STK32C: variants seen among roughly 807,000 people sequenced by gnomAD.
STK32C encodes serine/threonine kinase 32C.
In STK32C, 31 loss-of-function variants were observed where a neutral mutation model predicts 56.5. The ratio of observed to expected loss-of-function variants is 0.55; its 90% CI spans 0.41 to 0.74. The LOEUF (loss-of-function observed/expected upper bound fraction) is 0.74, where lower values mean the gene tolerates loss of function less well. Ranked by LOEUF, STK32C falls within the 30% of genes least tolerant of loss-of-function variation. The probability of loss-of-function intolerance (pLI) is 0.00; values close to 1 mark genes in which losing one functional copy is unlikely to be tolerated. For missense variants in STK32C, 544 were observed against 676.9 expected (o/e 0.80, Z 2.18); for synonymous variants, 309 against 289.4 (o/e 1.07, Z -0.69).
rs1055569202 is a variant in STK32C, at chr10:132,291,013, C to T, written c.262+16559G>A. ...CCTTGGCTCTCCCCTGCCTCCCTTC[C>T]GGCTCTCTCCTGCATTCGATAACAG... On this transcript the variant is annotated intron_variant, in intron 1 of 11. Transcript: ENST00000298630. 3.4e-4 allele frequency among the ~76,000 whole-genome samples: 52 copies of T among 152,328 alleles called. 1 individual carries two copies. Among genetic ancestry groups the T allele is most frequent in the South Asian group, 2.3e-3 (11 of 4,824 alleles).
intron 1 of STK32C, among the ~76,000 whole-genome samples, chr10:132,266,589 T>C (rs1026915536): frequency 2.6e-5 from 4 of 152,158 alleles, no homozygotes; most frequent in African/African-American, 9.7e-5. Context: ...AAACTGAGGC[T>C]CACTGAGGTT....
chr10:132,241,135 C>T (rs1316620393), intron 2 of STK32C, among the ~76,000 whole-genome samples: 1 of 152,242 alleles, frequency 6.6e-6, no homozygotes, highest in African/African-American at 2.4e-5. Flanking sequence ...GCACCAGCCA[C>T]AGCTTGGCAA....
chr10:132,253,535 T>C (rs2063992078), intron 1 of STK32C, among the ~76,000 whole-genome samples: 2 of 102,708 alleles, frequency 1.9e-5, no homozygotes, highest in South Asian at 3.5e-4. Context: ...CGGAGGGAGC[T>C]GGAGGGAGTC....
chr10:132,304,540 G>A (rs2066001548), intron 1 of STK32C, among the ~76,000 whole-genome samples: 1 of 152,184 alleles, frequency 6.6e-6, no homozygotes, highest in African/African-American at 2.4e-5. Flanking sequence ...ATGCAGAGCA[G>A]GATCCCACTT....
chr10:132,243,936 C>T (rs745767560), intron 2 of STK32C, among the ~76,000 whole-genome samples: 3 of 152,208 alleles, frequency 2.0e-5, no homozygotes, highest in African/African-American at 4.8e-5. Context: ...CTGGGCCCAC[C>T]ACCACCTGCA....
chr10:132,331,472 G>T, exon 1 of STK32C: 1 of 1,612,708 alleles, frequency 6.2e-7, no homozygotes, highest in Non-Finnish European at 8.5e-7. Flanking sequence ...CCGTCCAGAG[G>T]CAGCCTTACT....
chr10:132,279,218 C>T (rs2065079670), intron 1 of STK32C, among the ~76,000 whole-genome samples: 1 of 152,184 alleles, frequency 6.6e-6, no homozygotes. Flanking sequence ...ACTTTCACGA[C>T]TGAAGTGTAA....
upstream of STK32C, among the ~76,000 whole-genome samples, chr10:132,309,832 C>A (rs2066187014): frequency 6.6e-6 from 1 of 152,220 alleles, no homozygotes; most frequent in Non-Finnish European, 1.5e-5. Context: ...CCTCCTCTCC[C>A]TCTGACCCCT....
chr10:132,299,874 G>A (rs566433400), intron 1 of STK32C, among the ~76,000 whole-genome samples: 5 of 152,352 alleles, frequency 3.3e-5, no homozygotes, highest in East Asian at 1.9e-4. Flanking sequence ...TTCCCACAGC[G>A]AACAGAGGCT....
intron 11 of STK32C, 123 bp from the exon 12 acceptor site, chr10:132,208,274 C>G (rs1032878786): frequency 5.2e-6 from 6 of 1,161,004 alleles, no homozygotes; most frequent in Non-Finnish European, 6.6e-6. Context: ...GGGCCACAGG[C>G]TCGGTGTCTG....
rs992313634 is a variant in STK32C at position 132,307,888 on chromosome 10, G to A, written c.-55C>T. ...AACTCGGGGCATGGCCGGCCGGCAG[G>A]GCCGGGAGCGGCAGTGGTAGCGGGA... is the stretch of plus-strand genomic sequence containing the variant. On this transcript the variant is annotated 5_prime_UTR_variant, in exon 1 of 12. Transcript: ENST00000298630. The surrounding 1 kb of genome is among the most constrained non-coding windows in gnomAD (Gnocchi z 4.4). The A allele has an allele frequency of 1.8e-6, 2 of 1,135,006 alleles. No homozygotes were observed. Among genetic ancestry groups the A allele is most frequent in the Non-Finnish European group, 2.2e-6 (2 of 920,592 alleles). 70.3% of individuals were successfully genotyped at this position (1,135,006 alleles called of 1,614,324 possible). A position where few individuals can be genotyped will look rare whatever the true frequency, so the allele number is the denominator to read the frequency against.
chr10:132,225,865 T>C, intron 4 of STK32C, 81 bp from the exon 5 acceptor site: 1 of 1,575,156 alleles, frequency 6.3e-7, no homozygotes, highest in Non-Finnish European at 8.7e-7. Flanking sequence ...ATCCCTGGAG[T>C]CCCCAGGACA....
intron 2 of STK32C, among the ~76,000 whole-genome samples, chr10:132,237,556 C>T (rs904926743): frequency 3.3e-5 from 5 of 152,372 alleles, no homozygotes; most frequent in African/African-American, 9.6e-5. Flanking sequence ...GACTCTGCGC[C>T]GAGGTCCCCA....
chr10:132,331,638 C>T lies in STK32C; in HGVS notation c.99G>A (p.Trp33Ter). The stretch of plus-strand genomic sequence containing the variant: ...GGAAGGACAGGCAGCGAGGACCGCT[C>T]CAAAGGTGGTGCCTCAGCAGCAATT... Residue 33 changes from tryptophan (W) to a stop codon, truncating the protein, a stop_gained, in exon 1 of 2, where the codon TGG becomes TGA. Coordinates refer to the STK32C transcript ENST00000368619. LOFTEE classifies it high-confidence loss of function. 1 of 1,612,882 alleles carries T rather than the reference C, an allele frequency of 6.2e-7. No individual in the cohort carries two copies. The highest frequency in any genetic ancestry group is 2.2e-5 in the East Asian group (1 of 44,874).
chr10:132,279,042 T>C (rs1307936555), intron 1 of STK32C, among the ~76,000 whole-genome samples: 2 of 152,068 alleles, frequency 1.3e-5, no homozygotes, highest in Non-Finnish European at 2.9e-5. Context: ...CCATATACCA[T>C]GCAGGGGGCG....
At chr10:132,209,474 C>T (rs1163669488) in intron 10 of STK32C, 1 of 416,132 alleles carries the variant, frequency 2.4e-6, no homozygotes. Context: ...TCACAGCACA[C>T]ACACACCTGT....
intron 1 of STK32C, among the ~76,000 whole-genome samples, chr10:132,281,706 G>C (rs2065212762): frequency 6.6e-6 from 1 of 152,228 alleles, no homozygotes; most frequent in South Asian, 2.1e-4. Flanking sequence ...CCGGTCGGGT[G>C]GTTTGTGCAG....
At chr10:132,322,440 C>T (rs1293020461), downstream of STK32C, among the ~76,000 whole-genome samples, 1 of 152,068 alleles carries the variant, frequency 6.6e-6, no homozygotes, top group Non-Finnish European at 1.5e-5. Flanking sequence ...AGTGAATTTA[C>T]CAATATTTAT....
chr10:132,305,812 C>T (rs958192797), intron 1 of STK32C, among the ~76,000 whole-genome samples: 14 of 152,346 alleles, frequency 9.2e-5, no homozygotes, highest in African/African-American at 2.6e-4. Context: ...CTCTGCTATT[C>T]GGGCCAGGGC....
Sources: allele counts gnomAD v4.1 joint callset (sites outside exome capture counted in the v4.1 genomes callset), GRCh38; gene constraint gnomAD v4.1.1; non-coding constraint Gnocchi (gnomAD v3.1); transcripts MANE v1.5; gene names NCBI Gene and HGNC (gene_info 2026-07-23, HGNC 2026-07-21).